The following KLF8 variants were observed in gnomAD, a reference collection of about 807,000 sequenced individuals.
The protein encoded by KLF8 is Krueppel-like factor 8.
Under a neutral mutation model 18.2 loss-of-function variants are expected in KLF8, and 10 were observed. That is an observed-to-expected ratio of 0.55 (90% CI 0.34 to 0.93). The LOEUF is 0.93. KLF8 is among the 40% of genes least tolerant of loss of function. The probability of loss-of-function intolerance (pLI) is 0.02; values close to 1 mark genes in which losing one functional copy is unlikely to be tolerated. For synonymous variants in KLF8, 109 were observed against 97.3 expected, an observed-to-expected ratio of 1.12 and a Z score of -0.71; for missense variants, 264 against 277.9, an observed-to-expected ratio of 0.95 and a Z score of 0.36.
At chrX:56,124,200 C>T in the KLF8 span, among the ~76,000 whole-genome samples, 1 of 111,771 alleles carries the variant, frequency 8.9e-6, no homozygotes, top group Non-Finnish European at 1.9e-5. Context: ...GCTTTTTACA[C>T]TCATGCTATA....
chrX:56,218,431 T>C, the KLF8 span, among the ~76,000 whole-genome samples: 2 of 111,505 alleles, frequency 1.8e-5, no homozygotes, highest in Non-Finnish European at 3.8e-5. Context: ...CTAAATAAAT[T>C]GACTGTTTCC....
the KLF8 span, among the ~76,000 whole-genome samples, chrX:56,152,808 C>A: frequency 1.8e-5 from 2 of 112,363 alleles, no homozygotes; most frequent in Admixed American, 1.9e-4. Context: ...ATTCTAACTT[C>A]TCAGTGTGTA....
At chrX:56,051,493 G>T in the KLF8 span, among the ~76,000 whole-genome samples, 18 of 110,038 alleles carry the variant, frequency 1.6e-4, no homozygotes, top group Non-Finnish European at 2.5e-4. Flanking sequence ...GCATTTGCTT[G>T]TCTGTAAAGG....
the KLF8 span, among the ~76,000 whole-genome samples, chrX:56,093,754 A>G: frequency 6.3e-5 from 7 of 111,187 alleles, no homozygotes; most frequent in African/African-American, 2.3e-4. Context: ...CACATTTTGC[A>G]TAAGTCAAAT....
rs2067279084 is a variant in KLF8 at position 56,287,295 on chromosome X, C to T, written c.*2801C>T. On this transcript the variant is annotated 3_prime_UTR_variant, in exon 6 of 6. Coordinates refer to ENST00000468660, the MANE Select transcript of KLF8 (RefSeq NM_007250.5). ...ATGATAAAAGCTTTCCAATTACTTA[C>T]ATATGCTCTAACAAGTGTCTCAGGA... is the stretch of plus-strand genomic sequence containing the variant. The T allele has an allele frequency of 8.9e-6, 1 of 112,173 alleles. No individual in the cohort carries two copies. Among genetic ancestry groups the T allele is most frequent in the Non-Finnish European group, 1.9e-5 (1 of 53,278 alleles). 9.2% of individuals were successfully genotyped at this position (112,173 alleles called of 1,213,427 possible). A position where few individuals can be genotyped will look rare whatever the true frequency, so the allele number is the denominator to read the frequency against.
chrX:55,946,788 A>G, the KLF8 span, among the ~76,000 whole-genome samples: 1 of 111,178 alleles, frequency 9.0e-6, no homozygotes, highest in Admixed American at 9.6e-5. Context: ...ACAAATTTAC[A>G]AGAAAAAAAC....
chrX:56,214,591 G>A, the KLF8 span, among the ~76,000 whole-genome samples: 2 of 112,400 alleles, frequency 1.8e-5, no homozygotes, highest in Non-Finnish European at 3.8e-5. Flanking sequence ...AAAAGGGGAA[G>A]TTTGGACACA....
the KLF8 span, among the ~76,000 whole-genome samples, chrX:56,119,479 T>A: frequency 9.0e-6 from 1 of 110,641 alleles, no homozygotes; most frequent in Non-Finnish European, 1.9e-5. Context: ...TCTTGGCTCA[T>A]TGCAACCTCT....
chrX:56,031,828 C>T, the KLF8 span, among the ~76,000 whole-genome samples: 3 of 111,247 alleles, frequency 2.7e-5, no homozygotes, highest in Non-Finnish European at 3.8e-5. Flanking sequence ...CCGAGCTCCC[C>T]GAGTGCACAA....
the KLF8 span, among the ~76,000 whole-genome samples, chrX:56,179,601 C>G: frequency 1.8e-5 from 2 of 111,880 alleles, no homozygotes; most frequent in Non-Finnish European, 3.8e-5. Flanking sequence ...AGTTTTTGCC[C>G]ATTTAGTATT....
chrX:56,047,989 G>A, the KLF8 span, among the ~76,000 whole-genome samples: 1 of 111,799 alleles, frequency 8.9e-6, no homozygotes, highest in African/African-American at 3.3e-5. Flanking sequence ...CTCACTTGTG[G>A]TTTTGATTTG....
At chrX:56,108,048 G>A in the KLF8 span, among the ~76,000 whole-genome samples, 1 of 111,745 alleles carries the variant, frequency 8.9e-6, no homozygotes. Context: ...ATTTTTGTTG[G>A]TTGGCTTGTA....
intron 1 of KLF8, among the ~76,000 whole-genome samples, chrX:56,248,080 A>G (rs1163919560): frequency 1.8e-5 from 2 of 111,100 alleles, no homozygotes; most frequent in Non-Finnish European, 3.8e-5. Flanking sequence ...TAGCTCTGTT[A>G]TAATTGTATA....
At chrX:55,989,337 G>A in the KLF8 span, among the ~76,000 whole-genome samples, 1 of 112,074 alleles carries the variant, frequency 8.9e-6, no homozygotes, top group Non-Finnish European at 1.9e-5. Flanking sequence ...TTGGCTGTGG[G>A]TTTGTCATAG....
chrX:56,116,634 G>GATATATATATAT, the KLF8 span, among the ~76,000 whole-genome samples: 114 of 78,129 alleles, frequency 1.5e-3, 1 homozygote, highest in East Asian at 3.3e-3. Context: ...ATGATGTTCT[G>GATATATATATAT]ATATATATAT....
At chrX:56,150,082 C>T in the KLF8 span, among the ~76,000 whole-genome samples, 1 of 111,833 alleles carries the variant, frequency 8.9e-6, no homozygotes, top group African/African-American at 3.2e-5. Context: ...CTCTGTTGTA[C>T]ATAGCCCTGG....
chrX:56,138,086 G>A, the KLF8 span, among the ~76,000 whole-genome samples: 4 of 98,208 alleles, frequency 4.1e-5, no homozygotes, highest in South Asian at 4.9e-4. Flanking sequence ...ACTATTATGA[G>A]CACATCTATG....
the KLF8 span, among the ~76,000 whole-genome samples, chrX:56,169,655 C>T: frequency 9.0e-6 from 1 of 111,322 alleles, no homozygotes; most frequent in South Asian, 3.8e-4. Context: ...GTTATGAGTG[C>T]CAGCTCAGCT....
chrX:56,209,406 A>G, the KLF8 span, among the ~76,000 whole-genome samples: 6 of 110,355 alleles, frequency 5.4e-5, no homozygotes, highest in Non-Finnish European at 1.1e-4. Context: ...TTTTTCATTC[A>G]TTGAGCCAGT....
Sources: gnomAD v4.1 joint callset for allele counts (sites outside exome capture counted in the v4.1 genomes callset) on GRCh38, gnomAD v4.1.1 for gene constraint, MANE v1.5 for transcripts, NCBI Gene and HGNC (gene_info 2026-07-23, HGNC 2026-07-21) for gene names.